Variants in CYP20A1 observed in about 807,000 individuals in gnomAD.
The protein encoded by CYP20A1 is cytochrome P450 family 20 subfamily A member 1.
In CYP20A1, 61 loss-of-function variants were observed where a neutral mutation model predicts 61.4. The ratio of observed to expected loss-of-function variants is 0.99; its 90% confidence interval spans 0.81 to 1.23. CYP20A1 has a LOEUF of 1.23. CYP20A1 is among the 50% of genes most tolerant of loss of function. The pLI, the probability that CYP20A1 is intolerant of heterozygous loss-of-function variation, is 0.00. For synonymous variants in CYP20A1, 193 were observed against 188.2 expected, an observed-to-expected ratio of 1.03 and a Z score of -0.21; for missense variants, 530 against 542.4, an observed-to-expected ratio of 0.98 and a Z score of 0.23.
chr2:203,272,507 A>G (rs2067642656), intron 5 of CYP20A1, 163 bp from the exon 6 acceptor site: 1 of 348,010 alleles, frequency 2.9e-6, no homozygotes, highest in East Asian at 5.1e-5. Flanking sequence ...GTGCCATTGC[A>G]ATCCAGCACT....
intron 8 of CYP20A1, among the ~76,000 whole-genome samples, chr2:203,283,511 C>T (rs2068132077): frequency 6.7e-6 from 1 of 150,030 alleles, no homozygotes; most frequent in South Asian, 2.1e-4. Context: ...CCACCACACC[C>T]AGCCAATGTG....
At chr2:203,263,568 G>A (rs1277480733) in intron 4 of CYP20A1, among the ~76,000 whole-genome samples, 2 of 152,146 alleles carry the variant, frequency 1.3e-5, no homozygotes, top group Non-Finnish European at 1.5e-5. Context: ...AATTACCGGC[G>A]TGAGCCACCG....
chr2:203,254,564 T>C (rs373915286), intron 4 of CYP20A1, among the ~76,000 whole-genome samples: 2 of 149,994 alleles, frequency 1.3e-5, no homozygotes, highest in Admixed American at 6.7e-5. Flanking sequence ...AAAAAAAAAA[T>C]TGTTATCATT....
rs1021387764 is a variant in CYP20A1, at chr2:203,302,891, C to T, written c.*5983C>T. The stretch of plus-strand genomic sequence containing the variant: ...TATTTTTAGTAGAGATGGGGTTTTA[C>T]CGTGTTGGTCAGGCTGGTCCTGAAC... On this transcript the variant is annotated 3_prime_UTR_variant, in exon 13 of 13. Transcript: ENST00000356079. 2.0e-5 allele frequency among the ~76,000 whole-genome samples: 3 copies of T among 152,042 alleles called. No homozygotes were observed. The highest frequency in any genetic ancestry group is 2.0e-4 in the Admixed American group (3 of 15,236).
chr2:203,263,401 T>G (rs2067213024), intron 4 of CYP20A1, among the ~76,000 whole-genome samples: 1 of 151,788 alleles, frequency 6.6e-6, no homozygotes, highest in Non-Finnish European at 1.5e-5. Context: ...GTGATTCTCC[T>G]GCCTCAGCCT....
Position 203,278,770 on chromosome 2 carries a change from C to T in CYP20A1, c.795+82C>T, listed in dbSNP as rs555472672. On this transcript the variant is annotated intron_variant, in intron 7 of 12. Coordinates refer to ENST00000356079, the MANE Select transcript of CYP20A1 (RefSeq NM_177538.3). ...TGGCTCATGACTGTAGTCCCAGCTA[C>T]TTGAGAGGGTGAGGTGGGAGGATCA... 36 of 697,872 alleles carry T rather than the reference C, an allele frequency of 5.2e-5. No homozygotes were observed. In the Middle Eastern group the frequency reaches 7.7e-4, roughly 15 times the overall value. 43.2% of individuals were successfully genotyped at this position (697,872 alleles called of 1,614,324 possible).
intron 8 of CYP20A1, among the ~76,000 whole-genome samples, chr2:203,282,681 G>A (rs2068092769): frequency 6.6e-6 from 1 of 152,004 alleles, no homozygotes; most frequent in East Asian, 1.9e-4. Flanking sequence ...TTGGATGTAG[G>A]TTAGTGGTTT....
chr2:203,250,573 C>G (rs2066623907), intron 3 of CYP20A1, among the ~76,000 whole-genome samples: 1 of 152,116 alleles, frequency 6.6e-6, no homozygotes, highest in Non-Finnish European at 1.5e-5. Context: ...GAAAAGATGG[C>G]TCTGTCAGGG....
At chr2:203,254,018 G>T (rs1194131104) in intron 4 of CYP20A1, among the ~76,000 whole-genome samples, 1 of 151,882 alleles carries the variant, frequency 6.6e-6, no homozygotes, top group Non-Finnish European at 1.5e-5. Flanking sequence ...CGTGATCTCG[G>T]CTCACTGCAA....
At chr2:203,245,599 T>C (rs548079930) in intron 1 of CYP20A1, among the ~76,000 whole-genome samples, 1 of 152,250 alleles carries the variant, frequency 6.6e-6, no homozygotes. Flanking sequence ...TAGTATTTGA[T>C]TTTCTGTACC....
chr2:203,260,603 C>G (rs1006780759), intron 4 of CYP20A1, among the ~76,000 whole-genome samples: 1 of 152,190 alleles, frequency 6.6e-6, no homozygotes, highest in African/African-American at 2.4e-5. Context: ...AATACACCTT[C>G]CTGCACCTCG....
chr2:203,258,292 G>A (rs1010816111), intron 4 of CYP20A1, among the ~76,000 whole-genome samples: 15 of 151,426 alleles, frequency 9.9e-5, no homozygotes, highest in African/African-American at 1.9e-4. Flanking sequence ...AGGAAGGATC[G>A]CATCAGCCCA....
chr2:203,296,020 C>T (rs991407265), intron 11 of CYP20A1, among the ~76,000 whole-genome samples: 7 of 152,048 alleles, frequency 4.6e-5, no homozygotes, highest in African/African-American at 1.2e-4. Flanking sequence ...CCCAGCACTT[C>T]GAGAGATTGA....
chr2:203,243,743 G>T (rs1310791635), intron 1 of CYP20A1, among the ~76,000 whole-genome samples: 1 of 138,508 alleles, frequency 7.2e-6, no homozygotes, highest in Non-Finnish European at 1.5e-5. Flanking sequence ...AGGCTGCAGT[G>T]CAGTGGTGTG....
intron 4 of CYP20A1, 125 bp from the exon 5 acceptor site, chr2:203,266,389 G>C (rs111946872): frequency 2.6e-6 from 2 of 772,834 alleles, no homozygotes; most frequent in Non-Finnish European, 4.2e-6. Context: ...TGACAGATTC[G>C]TACCTGAATG....
In CYP20A1 at chr2:203,248,736, G is replaced by A. The variant is rs753008365; in HGVS notation, c.289+1815G>A. 3.0e-4 allele frequency among the ~76,000 whole-genome samples: 45 copies of A among 151,780 alleles called. 1 individual carries two copies. Among genetic ancestry groups the A allele is most frequent in the African/African-American group, 4.6e-4 (19 of 41,282 alleles). On this transcript the variant is annotated intron_variant, in intron 3 of 12. Coordinates refer to ENST00000356079, the MANE Select transcript of CYP20A1 (RefSeq NM_177538.3). ...TGCCTTATTCTATTCCCCCCGCCCC[G>A]CCCAGCTTTTGCCCAGGCTAGAGTG... is the stretch of plus-strand genomic sequence containing the variant.
At chr2:203,275,159 G>C (rs568571542) in intron 6 of CYP20A1, among the ~76,000 whole-genome samples, 1 of 152,178 alleles carries the variant, frequency 6.6e-6, no homozygotes. Flanking sequence ...TCAGGGTGTC[G>C]TGGGCATCAG....
chr2:203,239,173 C>T (rs948616780), intron 1 of CYP20A1, 39 bp downstream of exon 1: 2 of 1,555,200 alleles, frequency 1.3e-6, no homozygotes, highest in Non-Finnish European at 1.8e-6. Flanking sequence ...CCGGGCGCCG[C>T]CCCAGTCTCT....
Position 203,299,091 on chromosome 2 carries a change from A to G in CYP20A1, c.*2183A>G, listed in dbSNP as rs1359560115. Among the ~76,000 whole-genome samples, 2 of 152,146 alleles carry G rather than the reference A, an allele frequency of 1.3e-5. No homozygotes were observed. Among genetic ancestry groups the G allele is most frequent in the Non-Finnish European group, 2.9e-5 (2 of 68,022 alleles). Reference sequence around the variant, plus strand: ...CAAAATTACACTTTAGCACTTATAAATTTTATATATAATACTTTACTGATA... The same window carrying G: ...CAAAATTACACTTTAGCACTTATAAGTTTTATATATAATACTTTACTGATA... On this transcript the variant is annotated 3_prime_UTR_variant, in exon 13 of 13. Transcript: ENST00000356079.
Sources: gnomAD v4.1 joint callset for allele counts (sites outside exome capture counted in the v4.1 genomes callset) on GRCh38, gnomAD v4.1.1 for gene constraint, MANE v1.5 for transcripts, NCBI Gene and HGNC (gene_info 2026-07-23, HGNC 2026-07-21) for gene names.